Variants in ESRRB observed in about 807,000 individuals in gnomAD.
The protein encoded by ESRRB is steroid hormone receptor ERR2.
ESRRB carries 16 observed loss-of-function variants against 46.0 expected under a neutral mutation model. The observed-to-expected ratio is 0.35, with a 90% CI of 0.24 to 0.53. The LOEUF is 0.53. Among genes scored for constraint, ESRRB ranks in the 20% least tolerant of loss-of-function variants. The pLI, the probability that ESRRB is intolerant of heterozygous loss-of-function variation, is 0.93. For missense variants in ESRRB, 488 were observed against 607.4 expected (o/e 0.80, Z 2.07); for synonymous variants, 246 against 259.6 (o/e 0.95, Z 0.50).
At chr14:76,348,403 G>C (rs942464549) in intron 1 of ESRRB, among the ~76,000 whole-genome samples, 1 of 152,164 alleles carries the variant, frequency 6.6e-6, no homozygotes, top group Non-Finnish European at 1.5e-5. Flanking sequence ...ACCCACACAG[G>C]CTGGTTTCTT....
intron 1 of ESRRB, among the ~76,000 whole-genome samples, chr14:76,386,468 T>C (rs2139810915): frequency 6.7e-6 from 1 of 148,366 alleles, no homozygotes; most frequent in East Asian, 2.0e-4. Context: ...TTTTTTTTTT[T>C]TTTTTTGCGA....
chr14:76,423,106 T>C (rs188380487), intron 1 of ESRRB, among the ~76,000 whole-genome samples: 1,566 of 149,452 alleles, frequency 0.01, 16 homozygotes, highest in Non-Finnish European at 0.015. Flanking sequence ...GCAACCAAAA[T>C]CAGAAAATAA....
At chr14:76,325,060 G>T (rs1178758938) in intron 1 of ESRRB, among the ~76,000 whole-genome samples, 1 of 147,064 alleles carries the variant, frequency 6.8e-6, no homozygotes, top group Non-Finnish European at 1.5e-5. Context: ...CGCCTCCCAG[G>T]TTCAAGGGAT....
rs1233424078 is a variant in ESRRB at position 76,482,766 on chromosome 14, ATGTGGGACCAGGGGAGAG to A, written c.850+13_850+30del. On this transcript the variant is annotated splice_region_variant and intron_variant, in intron 5 of 6. Transcript: ENST00000644823. The surrounding 1 kb of genome is among the most constrained non-coding windows in gnomAD (Gnocchi z 4.3). ...TGGGCCAAGCACATCCCAGGTGAGC[ATGTGGGACCAGGGGAGAG>A]TGTGGCCAGGGACTCTCAGCCGGTA... 6.2e-7 allele frequency: 1 copy of A among 1,613,794 alleles called. No homozygotes were observed. Among genetic ancestry groups the A allele is most frequent in the Non-Finnish European group, 8.5e-7 (1 of 1,179,994 alleles).
chr14:76,358,320 AAAAAAAGAAAGAAAGAAAG>A (rs1884410402), intron 1 of ESRRB, among the ~76,000 whole-genome samples: 1 of 83,422 alleles, frequency 1.2e-5, no homozygotes, highest in Non-Finnish European at 2.6e-5. Context: ...TCAAAAAAAA[AAAAAAAGAAAGAAAGAAAG>A]AAAGAAAGAA....
intron 1 of ESRRB, among the ~76,000 whole-genome samples, chr14:76,439,037 G>A (rs890545667): frequency 2.0e-5 from 3 of 151,804 alleles, no homozygotes; most frequent in African/African-American, 4.8e-5. Context: ...GGCTTCAAGC[G>A]ATGATCCTCC....
intron 1 of ESRRB, among the ~76,000 whole-genome samples, chr14:76,351,276 T>C (rs529964563): frequency 1.3e-5 from 2 of 152,342 alleles, no homozygotes; most frequent in Admixed American, 6.5e-5. Context: ...ATGTATTGTC[T>C]CACTGTTCTG....
At chr14:76,404,486 G>A (rs974144949) in intron 1 of ESRRB, 9 of 152,486 alleles carry the variant, frequency 5.9e-5, no homozygotes, top group African/African-American at 2.2e-4. Flanking sequence ...GTGAATGAAT[G>A]AATGGCCAGA....
intron 1 of ESRRB, among the ~76,000 whole-genome samples, chr14:76,332,561 ATTT>A (rs1566853027): frequency 5.8e-5 from 1 of 17,354 alleles, no homozygotes; most frequent in African/African-American, 1.9e-4. Flanking sequence ...TATAATATAT[ATTT>A]ATATATTTAT....
intron 1 of ESRRB, among the ~76,000 whole-genome samples, chr14:76,423,142 C>CTT (rs397853103): frequency 0.012 from 1,326 of 112,786 alleles, 37 homozygotes; most frequent in African/African-American, 0.037. Context: ...CTTTCATAAC[C>CTT]TTTTTTTTTT....
intron 1 of ESRRB, among the ~76,000 whole-genome samples, chr14:76,415,974 T>A (rs1353983559): frequency 6.6e-6 from 1 of 152,186 alleles, no homozygotes; most frequent in Non-Finnish European, 1.5e-5. Context: ...TCAAACCTTA[T>A]CCTCTTTACA....
Position 76,491,545 on chromosome 14 carries a change from G to A in ESRRB, c.949G>A (p.Asp317Asn), listed in dbSNP as rs145982062. 1.3e-4 allele frequency: 203 copies of A among 1,593,454 alleles called. 1 individual carries two copies. In the Admixed American group the frequency reaches 1.4e-3, roughly 11 times the overall value. ...LGIVYRSLPY[D>N]DKLVYAEDYI... Reference sequence around the variant, plus strand: ...CATCGTGTACCGCTCGCTGCCCTATGACGACAAGCTGGTGTACGCTGAGGA... The same window carrying A: ...CATCGTGTACCGCTCGCTGCCCTATAACGACAAGCTGGTGTACGCTGAGGA... Residue 317 changes from aspartate (D) to asparagine (N), a missense_variant, in exon 6 of 7, where the codon GAC becomes AAC. By Grantham distance (23) the Asp-to-Asn change is conservative (BLOSUM62 1). Coordinates refer to ENST00000644823, the MANE Select transcript of ESRRB (RefSeq NM_001379180.1).
At chr14:76,411,182 G>T (rs1233423822) in intron 1 of ESRRB, among the ~76,000 whole-genome samples, 1 of 151,574 alleles carries the variant, frequency 6.6e-6, no homozygotes, top group East Asian at 2.0e-4. Context: ...GGTGGCTCAC[G>T]CCTGTAATCA....
chr14:76,325,740 A>C (rs8003968), intron 1 of ESRRB, among the ~76,000 whole-genome samples: 40,128 of 152,056 alleles, frequency 0.26, 5,443 homozygotes, highest in Middle Eastern at 0.32. Flanking sequence ...GCCACTAAAC[A>C]AGTAGGGCTT....
intron 1 of ESRRB, among the ~76,000 whole-genome samples, chr14:76,344,070 T>C (rs1457824790): frequency 6.6e-6 from 1 of 152,232 alleles, no homozygotes; most frequent in Non-Finnish European, 1.5e-5. Flanking sequence ...CAATAATTAT[T>C]AGCTTCAGAA....
At chr14:76,396,108 G>A (rs1304831723) in intron 1 of ESRRB, among the ~76,000 whole-genome samples, 3 of 152,122 alleles carry the variant, frequency 2.0e-5, no homozygotes, top group African/African-American at 7.2e-5. Flanking sequence ...AGGAGGCAGA[G>A]GTTGCAGTGA....
chr14:76,456,636 T>C (rs974990038), intron 2 of ESRRB, among the ~76,000 whole-genome samples: 1 of 152,064 alleles, frequency 6.6e-6, no homozygotes, highest in African/African-American at 2.4e-5. Context: ...AGGGATACAG[T>C]AAGAGGAACA....
intron 6 of ESRRB, among the ~76,000 whole-genome samples, chr14:76,497,551 C>T (rs1368667234): frequency 6.6e-6 from 1 of 152,204 alleles, no homozygotes; most frequent in Non-Finnish European, 1.5e-5. Flanking sequence ...TTTTAGAGAA[C>T]TCCCTATAGC....
chr14:76,463,445 G>GTTTTTTTTTTTGTTTTTGTTTTTTTTTT (rs1566599993), intron 3 of ESRRB: 6 of 114,708 alleles, frequency 5.2e-5, no homozygotes, highest in Admixed American at 9.1e-5. Context: ...ATGCTTCTTT[G>GTTTTTTTTTTTGTTTTTGTTTTTTTTTT]TTTTTTTTTT....
Sources: allele counts gnomAD v4.1 joint callset (sites outside exome capture counted in the v4.1 genomes callset), GRCh38; gene constraint gnomAD v4.1.1; non-coding constraint Gnocchi (gnomAD v3.1); transcripts MANE v1.5; gene names NCBI Gene and HGNC (gene_info 2026-07-23, HGNC 2026-07-21).